OPCML: variants seen among roughly 807,000 people sequenced by gnomAD.
The protein encoded by OPCML is opioid binding protein/cell adhesion molecule like, also known as opioid-binding protein/cell adhesion molecule.
Under a neutral mutation model 37.8 loss-of-function variants are expected in OPCML, and 13 were observed. The ratio of observed to expected loss-of-function variants is 0.34; its 90% CI spans 0.22 to 0.55. The LOEUF is 0.55. Ranked by LOEUF, OPCML falls within the 20% of genes least tolerant of loss-of-function variation. OPCML has a pLI of 0.91. For missense variants in OPCML, 341 were observed against 435.6 expected (o/e 0.78, Z 1.93); for synonymous variants, 176 against 168.8 (o/e 1.04, Z -0.33).
At chr11:132,948,800 CATG>C (rs1472296045) in intron 1 of OPCML, among the ~76,000 whole-genome samples, 2 of 152,160 alleles carry the variant, frequency 1.3e-5, no homozygotes, top group East Asian at 1.9e-4. Flanking sequence ...CCCATTTTCA[CATG>C]ATAACGATTT....
intron 1 of OPCML, among the ~76,000 whole-genome samples, chr11:133,025,726 A>ATTTT (rs869296316): frequency 7.7e-5 from 7 of 91,310 alleles, no homozygotes; most frequent in Admixed American, 1.3e-4. Context: ...TGCCGATTTG[A>ATTTT]TTTTTTTTTT....
At chr11:133,024,601 A>G (rs1947514737) in intron 1 of OPCML, 1 of 976,416 alleles carries the variant, frequency 1.0e-6, no homozygotes, top group Non-Finnish European at 1.2e-6. Context: ...TGAATATTTA[A>G]TTGCAACTTG....
At position 132,420,047 on chromosome 11, in the gene OPCML, A is replaced by G. The variant is rs2095952290; in HGVS notation, c.*146T>C. On this transcript the variant is annotated 3_prime_UTR_variant, in exon 8 of 8. Transcript: ENST00000524381. ...TTCAAGCTGGAAATAAAAGCAAACA[A>G]ACAAATAAACAAAAACAAAAAGAAA... The G allele has an allele frequency of 1.5e-6, 1 of 649,214 alleles. No homozygotes were observed. Among genetic ancestry groups the G allele is most frequent in the Admixed American group, 3.1e-5 (1 of 32,480 alleles). 40.2% of individuals were successfully genotyped at this position (649,214 alleles called of 1,614,324 possible).
At chr11:132,540,252 GTT>G (rs2096352828) in intron 3 of OPCML, among the ~76,000 whole-genome samples, 1 of 152,182 alleles carries the variant, frequency 6.6e-6, no homozygotes, top group South Asian at 2.1e-4. Context: ...CTGTTCTATT[GTT>G]TTCTATGTCT....
At chr11:133,370,251 A>G (rs1944642520) in intron 1 of OPCML, among the ~76,000 whole-genome samples, 2 of 152,268 alleles carry the variant, frequency 1.3e-5, no homozygotes, top group South Asian at 4.1e-4. Context: ...CTATGATCTC[A>G]GGCATACTGC....
intron 1 of OPCML, among the ~76,000 whole-genome samples, chr11:133,194,265 A>G (rs1938446831): frequency 7.0e-6 from 1 of 141,920 alleles, no homozygotes; most frequent in Non-Finnish European, 1.5e-5. Flanking sequence ...GCTGGAGTGC[A>G]ATAGGTGCAA....
intron 4 of OPCML, among the ~76,000 whole-genome samples, chr11:132,498,152 T>A (rs2096237216): frequency 1.3e-5 from 2 of 152,208 alleles, no homozygotes; most frequent in African/African-American, 2.4e-5. Flanking sequence ...TCTATTTCAA[T>A]AATTCCGTTT....
At chr11:132,917,659 C>T (rs112364963) in intron 2 of OPCML, among the ~76,000 whole-genome samples, 166 of 152,280 alleles carry the variant, frequency 1.1e-3, no homozygotes, top group African/African-American at 3.8e-3. Flanking sequence ...GCCATGGTAC[C>T]TGGAACTAGA....
intron 4 of OPCML, among the ~76,000 whole-genome samples, chr11:132,509,722 T>G (rs1251895581): frequency 6.6e-6 from 1 of 152,204 alleles, no homozygotes; most frequent in Non-Finnish European, 1.5e-5. Context: ...TTGAGGACTT[T>G]CACCTAGATT....
At chr11:133,440,785 T>C (rs1195874716) in intron 1 of OPCML, among the ~76,000 whole-genome samples, 1 of 77,292 alleles carries the variant, frequency 1.3e-5, no homozygotes, top group East Asian at 3.5e-4. Flanking sequence ...TATATATCTG[T>C]GTGTGTGTGT....
chr11:133,140,663 G>GAAAAA (rs1380284113), intron 1 of OPCML, among the ~76,000 whole-genome samples: 1 of 53,438 alleles, frequency 1.9e-5, no homozygotes, highest in Non-Finnish European at 4.1e-5. Flanking sequence ...AGGAAGAAAA[G>GAAAAA]AAGAAAAGAA....
Position 133,232,448 on chromosome 11 carries a change from T to C in OPCML, c.62-289438A>G, listed in dbSNP as rs193158914. Among the ~76,000 whole-genome samples the C allele has an allele frequency of 4.4e-3, 672 of 152,208 alleles. 9 individuals carry two copies. Among genetic ancestry groups the C allele is most frequent in the African/African-American group, 0.011 (450 of 41,514 alleles). On this transcript the variant is annotated intron_variant, in intron 1 of 7. Transcript: ENST00000524381. ...GAGGCATAAGTGACATGAAAGAACA[T>C]GGAAACAATGTGCAAAGTGTGATGC...
intron 2 of OPCML, among the ~76,000 whole-genome samples, chr11:132,734,988 T>C (rs1591534352): frequency 6.6e-6 from 1 of 152,288 alleles, no homozygotes; most frequent in East Asian, 1.9e-4. Flanking sequence ...CATATAAAAG[T>C]ACAAAATCTA....
At chr11:133,071,401 AAAGT>A (rs1948531281) in intron 1 of OPCML, among the ~76,000 whole-genome samples, 1 of 152,244 alleles carries the variant, frequency 6.6e-6, no homozygotes, top group African/African-American at 2.4e-5. Context: ...AATGATGTAA[AAAGT>A]ACAATATATT....
rs577769205 is a variant in OPCML, at chr11:133,231,506, G to A, written c.62-288496C>T. Among the ~76,000 whole-genome samples the A allele has an allele frequency of 9.9e-5, 15 of 152,222 alleles. No homozygotes were observed. The South Asian group carries it at 3.1e-3, about 32-fold the overall frequency. On this transcript the variant is annotated intron_variant, in intron 1 of 7. Coordinates refer to ENST00000524381, the MANE Select transcript of OPCML (RefSeq NM_001012393.5). ...AAAAACATTTCATTGTAATTTTAGG[G>A]CAGAGCTCTCCTGAGATCCCAAGTT...
intron 1 of OPCML, among the ~76,000 whole-genome samples, chr11:132,999,783 G>C (rs1006753704): frequency 1.3e-5 from 2 of 152,148 alleles, no homozygotes; most frequent in Admixed American, 6.5e-5. Flanking sequence ...ACAGCAAAAA[G>C]TAGAGCTTCA....
intron 1 of OPCML, among the ~76,000 whole-genome samples, chr11:133,483,655 G>A (rs1224684829): frequency 7.0e-6 from 1 of 143,042 alleles, no homozygotes; most frequent in African/African-American, 2.9e-5. Context: ...TAGGTAGATA[G>A]ACAGATTAGA....
intron 6 of OPCML, 170 bp downstream of exon 6, chr11:132,436,489 C>T (rs540194917): frequency 1.8e-5 from 17 of 937,346 alleles, no homozygotes; most frequent in Non-Finnish European, 2.2e-5. Flanking sequence ...CACTTCCCAG[C>T]CTCCTCCATT....
At chr11:133,523,030 T>A (rs1239246051) in intron 1 of OPCML, among the ~76,000 whole-genome samples, 1 of 152,086 alleles carries the variant, frequency 6.6e-6, no homozygotes, top group Non-Finnish European at 1.5e-5. Flanking sequence ...TGGCGTCCAA[T>A]TAGCGCTTTT....
Sources: allele counts gnomAD v4.1 joint callset (sites outside exome capture counted in the v4.1 genomes callset), GRCh38; gene constraint gnomAD v4.1.1; transcripts MANE v1.5; gene names NCBI Gene and HGNC (gene_info 2026-07-23, HGNC 2026-07-21).